Variants in REC8 observed in about 807,000 individuals in gnomAD.
The protein encoded by REC8 is meiotic recombination protein REC8 homolog.
A neutral mutation model predicts 78.3 loss-of-function variants in REC8; 42 were observed. The ratio of observed to expected loss-of-function variants is 0.54; its 90% CI spans 0.42 to 0.69. The LOEUF is 0.69. Ranked by LOEUF, REC8 falls within the 30% of genes least tolerant of loss-of-function variation. REC8 has a pLI of 0.00. For synonymous variants in REC8, 268 were observed against 274.1 expected (o/e 0.98, Z 0.22); for missense variants, 581 against 715.8 (o/e 0.81, Z 2.15).
At position 24,179,665 on chromosome 14, in the gene REC8, A is replaced by T. The variant is rs1566638268; in HGVS notation, c.1390A>T (p.Met464Leu). Residue 464 changes from methionine (M) to leucine (L), a missense_variant, in exon 17 of 19, where the codon ATG becomes TTG. By Grantham distance (15) the Met-to-Leu change is conservative. Transcript: ENST00000611366. Reference sequence around the variant, plus strand: ...GGTGCCTGAACTCCCTGAGGTGCCCATGGAGATGCCTTTGGTGCTGCCCCC... The same window carrying T: ...GGTGCCTGAACTCCCTGAGGTGCCCTTGGAGATGCCTTTGGTGCTGCCCCC... The part of the protein sequence containing the change: ...PVVPELPEVP[M>L]EMPLVLPPEL... 1 of 1,614,178 alleles carries T rather than the reference A, an allele frequency of 6.2e-7. No homozygotes were observed. The highest frequency in any genetic ancestry group is 1.7e-5 in the Admixed American group (1 of 60,026).
intron 1 of REC8, 48 bp downstream of exon 1, chr14:24,172,656 C>G: frequency 6.2e-7 from 1 of 1,612,932 alleles, no homozygotes; most frequent in Non-Finnish European, 8.5e-7. Flanking sequence ...TGCCCGGGAT[C>G]CCAGCCTGAC....
rs1286174446 is a variant in REC8 at position 24,178,477 on chromosome 14, C to A, written c.997-129C>A. 4.0e-6 allele frequency: 4 copies of A among 988,214 alleles called. No homozygotes were observed. The Admixed American group carries it at 1.0e-4, about 25-fold the overall frequency. 61.2% of individuals were successfully genotyped at this position (988,214 alleles called of 1,614,324 possible). On this transcript the variant is annotated intron_variant, in intron 12 of 18. Coordinates refer to ENST00000611366, the MANE Select transcript of REC8 (RefSeq NM_001048205.2). ...GTCCTTCTTTTAGCAATGAGCAGGG[C>A]AGGCAGGGTCATGAGCGCAAAAGCT...
At chr14:24,180,659 C>T (rs1594434932), downstream of REC8, 1 of 1,613,748 alleles carries the variant, frequency 6.2e-7, no homozygotes, top group Non-Finnish European at 8.5e-7. Flanking sequence ...CAGCCTCCCG[C>T]AAGCCCCTGC....
intron 6 of REC8, 119 bp downstream of exon 6, chr14:24,175,743 G>A: frequency 1.5e-6 from 1 of 677,212 alleles, no homozygotes; most frequent in Non-Finnish European, 2.5e-6. Flanking sequence ...TTTTTTTCGA[G>A]GCAGAGTCTC....
chr14:24,172,205 C>T lies in REC8; in HGVS notation c.-348C>T. The T allele has an allele frequency of 3.1e-6, 1 of 324,406 alleles. No individual in the cohort carries two copies. 20.1% of individuals were successfully genotyped at this position (324,406 alleles called of 1,614,324 possible). ...TGCTGTGGAGGACACCGTGCTCCCT[C>T]GGGACCTGCTCTGGATTCCGGCCCG... is the stretch of plus-strand genomic sequence containing the variant. On this transcript the variant is annotated 5_prime_UTR_variant, in exon 1 of 19. Coordinates refer to ENST00000611366, the MANE Select transcript of REC8 (RefSeq NM_001048205.2).
intron 7 of REC8, 109 bp from the exon 8 acceptor site, chr14:24,177,032 C>A: frequency 7.4e-7 from 1 of 1,347,194 alleles, no homozygotes; most frequent in South Asian, 1.2e-5. Flanking sequence ...CCAGTGGCTT[C>A]CTTGAACCTG....
chr14:24,177,874 A>C, intron 11 of REC8, 116 bp downstream of exon 11: 6 of 1,469,682 alleles, frequency 4.1e-6, no homozygotes, highest in Non-Finnish European at 5.4e-6. Flanking sequence ...GCAGATGATA[A>C]AAGATGCCCC....
chr14:24,177,034 T>C, intron 7 of REC8, 107 bp from the exon 8 acceptor site: 3 of 1,360,984 alleles, frequency 2.2e-6, no homozygotes, highest in South Asian at 1.2e-5. Context: ...AGTGGCTTCC[T>C]TGAACCTGGC....
downstream of REC8, chr14:24,180,482 T>A (rs751360714): frequency 6.2e-7 from 1 of 1,613,744 alleles, no homozygotes; most frequent in Admixed American, 1.7e-5. Context: ...CTGAGCCTTG[T>A]CAACAGGCAG....
chr14:24,179,761 C>T (rs779169373), intron 17 of REC8, 35 bp downstream of exon 17: 23 of 1,613,980 alleles, frequency 1.4e-5, no homozygotes, highest in South Asian at 1.3e-4. Context: ...GGGGTGGACC[C>T]GGGCTGAAGC....
Position 24,173,177 on chromosome 14 carries a change from G to T in REC8, c.320G>T (p.Arg107Leu), listed in dbSNP as rs200268439. The T allele has an allele frequency of 8.1e-6, 13 of 1,614,050 alleles. No individual in the cohort carries two copies. Among genetic ancestry groups the T allele is most frequent in the Non-Finnish European group, 1.1e-5 (13 of 1,180,034 alleles). Residue 107 changes from arginine (R) to leucine (L), a missense_variant, in exon 4 of 19, where the codon CGA (arginine) becomes CTA (leucine). Arg to Leu is a moderately radical substitution (Grantham distance 102, BLOSUM62 -2). Transcript: ENST00000611366. ...ERLHRAQLQI[R>L]IDMETELPSL... ...CTCCACCGTGCCCAGCTGCAGATCC[G>T]AATAGATATGGAGACTGAGCTGTGA...
intron 6 of REC8, among the ~76,000 whole-genome samples, 199 bp from the exon 7 acceptor site, chr14:24,176,623 A>C (rs1291383320): frequency 6.6e-6 from 1 of 152,150 alleles, no homozygotes; most frequent in Non-Finnish European, 1.5e-5. Context: ...CACTTCGCCC[A>C]GCCTCCCCAC....
chr14:24,178,458 C>G (rs2039001209), intron 12 of REC8, 148 bp from the exon 13 acceptor site: 1 of 902,616 alleles, frequency 1.1e-6, no homozygotes, highest in Admixed American at 2.8e-5. Flanking sequence ...AAAAGTCCTT[C>G]TTTTAGCAAT....
rs1296097838 is a variant in REC8 at position 24,172,410 on chromosome 14, T to C, written c.-143T>C. ...TTGTTCGTTGCCTCATTAACTTGGC[T>C]TTCTAGGTGCACCCACCTTGCCACC... On this transcript the variant is annotated 5_prime_UTR_variant, in exon 1 of 19. Transcript: ENST00000611366. 6.3e-6 allele frequency: 5 copies of C among 791,858 alleles called. No individual in the cohort carries two copies. The highest frequency in any genetic ancestry group is 9.9e-6 in the Non-Finnish European group (5 of 502,956). The allele number at this position is 791,858 out of a possible 1,614,324, so 49.1% of individuals were successfully genotyped here.
intron 11 of REC8, 32 bp from the exon 12 acceptor site, chr14:24,178,059 C>A (rs1192386724): frequency 1.9e-6 from 3 of 1,602,304 alleles, no homozygotes; most frequent in Admixed American, 3.4e-5. Context: ...TAATGGGCAG[C>A]CTTGCCCCTA....
Position 24,172,173 on chromosome 14 carries a change from C to A in REC8, c.-380C>A. ...GACATCGCTCCCAGCGCTCGAGGACCGAGGCCTGCTGTGGAGGACACCGTG... is the reference window on the plus strand; with the variant it reads ...GACATCGCTCCCAGCGCTCGAGGACAGAGGCCTGCTGTGGAGGACACCGTG... On this transcript the variant is annotated 5_prime_UTR_variant, in exon 1 of 19. Transcript: ENST00000611366. The A allele has an allele frequency of 4.2e-6, 1 of 236,404 alleles. No individual in the cohort carries two copies. Among genetic ancestry groups the A allele is most frequent in the Non-Finnish European group, 8.3e-6 (1 of 120,896 alleles). The allele number at this position is 236,404 out of a possible 1,614,324, so 14.6% of individuals were successfully genotyped here.
chr14:24,173,200 T>C lies in REC8; in HGVS notation c.341+2T>C. The C allele has an allele frequency of 6.2e-7, 1 of 1,614,200 alleles. No homozygotes were observed. Among genetic ancestry groups the C allele is most frequent in the East Asian group, 2.2e-5 (1 of 44,882 alleles). ...CCGAATAGATATGGAGACTGAGCTG[T>C]GAGTGTGCCCTGGGCCTTTGATGGA... On this transcript the variant is annotated splice_donor_variant, in intron 4 of 18. Coordinates refer to ENST00000611366, the MANE Select transcript of REC8 (RefSeq NM_001048205.2). LOFTEE classifies it high-confidence loss of function.
At chr14:24,180,856 G>C (rs145820866), downstream of REC8, 2,239 of 965,982 alleles carry the variant, frequency 2.3e-3, 26 homozygotes, top group African/African-American at 0.026. Flanking sequence ...TTATCAGGGG[G>C]GTGGTTGCAC....
At chr14:24,175,021 T>A (rs2038828207) in intron 5 of REC8, among the ~76,000 whole-genome samples, 1 of 151,304 alleles carries the variant, frequency 6.6e-6, no homozygotes, top group Non-Finnish European at 1.5e-5. Context: ...TTTTTTTTTT[T>A]TTTGAGACAG....
Sources: allele counts gnomAD v4.1 joint callset (sites outside exome capture counted in the v4.1 genomes callset), GRCh38; gene constraint gnomAD v4.1.1; transcripts MANE v1.5; gene names NCBI Gene and HGNC (gene_info 2026-07-23, HGNC 2026-07-21).